The following CELF2 variants were observed in gnomAD, a reference collection of about 807,000 sequenced individuals.
CELF2 encodes CUGBP Elav-like family member 2, also known as CUG triplet repeat RNA-binding protein 2.
In CELF2, 8 loss-of-function variants were observed where a neutral mutation model predicts 62.6. That is an observed-to-expected ratio of 0.13 (90% confidence interval 0.07 to 0.23). The LOEUF (loss-of-function observed/expected upper bound fraction) is 0.23. Ranked by LOEUF, CELF2 falls within the 10% of genes least tolerant of loss-of-function variation. The pLI, the probability that CELF2 is intolerant of heterozygous loss-of-function variation, is 1.00. For missense variants in CELF2, 333 were observed against 671.0 expected (o/e 0.50, Z 5.56); for synonymous variants, 258 against 250.0 (o/e 1.03, Z -0.30).
At chr10:11,266,717 A>C in intron 6 of CELF2, 40 bp downstream of exon 6, 1 of 1,502,994 alleles carries the variant, frequency 6.7e-7, no homozygotes, top group Non-Finnish European at 9.3e-7. Flanking sequence ...TCTTTGTGCA[A>C]ATGATGGGGA....
chr10:10,766,857 C>T, the CELF2 span, among the ~76,000 whole-genome samples: 1 of 152,240 alleles, frequency 6.6e-6, no homozygotes, highest in Non-Finnish European at 1.5e-5. Context: ...TTTGTACCCA[C>T]TCACACATGT....
At chr10:10,527,667 G>A in the CELF2 span, among the ~76,000 whole-genome samples, 1 of 152,164 alleles carries the variant, frequency 6.6e-6, no homozygotes. Flanking sequence ...GAGACTCCAA[G>A]CCATCTCTAG....
At chr10:10,924,843 G>A (rs2065309973) in intron 2 of CELF2, among the ~76,000 whole-genome samples, 1 of 149,772 alleles carries the variant, frequency 6.7e-6, no homozygotes, top group South Asian at 2.1e-4. Flanking sequence ...CTGTCTGAGA[G>A]CCGCTACCAA....
the CELF2 span, among the ~76,000 whole-genome samples, chr10:10,519,675 T>G: frequency 2.0e-5 from 3 of 152,208 alleles, no homozygotes; most frequent in African/African-American, 7.2e-5. Flanking sequence ...ACCTCCCAGA[T>G]GCTGAGCTAG....
chr10:10,928,732 C>A lies in CELF2; in HGVS notation c.89+8733C>A, dbSNP rs575900666. Among the ~76,000 whole-genome samples the A allele has an allele frequency of 6.6e-6, 1 of 152,214 alleles. No individual in the cohort carries two copies. The highest frequency in any genetic ancestry group is 2.4e-5 in the African/African-American group (1 of 41,516). On this transcript the variant is annotated intron_variant, in intron 2 of 13. Transcript: ENST00000636488. This position sits in a 1 kb window ranked among gnomAD's most constrained non-coding sequence, Gnocchi z 4.8. ...TGTTCCTTCTGTTGGTTCCCAAAGACCCCAGTTTTAACCCCTATCCTAGCA... is the reference window on the plus strand; with the variant it reads ...TGTTCCTTCTGTTGGTTCCCAAAGAACCCAGTTTTAACCCCTATCCTAGCA...
At chr10:10,599,248 C>G in the CELF2 span, among the ~76,000 whole-genome samples, 4 of 152,102 alleles carry the variant, frequency 2.6e-5, no homozygotes, top group Admixed American at 2.6e-4. Flanking sequence ...TTTGGCTCCA[C>G]TTCTTATAAA....
At chr10:11,112,525 C>T (rs746253286) in intron 1 of CELF2, among the ~76,000 whole-genome samples, 17 of 152,296 alleles carry the variant, frequency 1.1e-4, no homozygotes, top group South Asian at 4.1e-4. Context: ...TGGCCAGGCT[C>T]GGAGTGGTGC....
the CELF2 span, among the ~76,000 whole-genome samples, chr10:10,724,019 G>A: frequency 6.6e-6 from 1 of 152,122 alleles, no homozygotes; most frequent in Non-Finnish European, 1.5e-5. Context: ...ATTCAATAAT[G>A]AAAAGTTGAA....
At chr10:11,083,723 G>A (rs1324254315) in intron 1 of CELF2, among the ~76,000 whole-genome samples, 1 of 152,192 alleles carries the variant, frequency 6.6e-6, no homozygotes, top group African/African-American at 2.4e-5. Context: ...CTGACAGCTT[G>A]AATTGGACTC....
intron 1 of CELF2, among the ~76,000 whole-genome samples, chr10:10,884,585 T>G (rs1365332870): frequency 6.6e-6 from 1 of 152,206 alleles, no homozygotes; most frequent in Non-Finnish European, 1.5e-5. Context: ...TTTATATGTT[T>G]CATGTGTACT....
the CELF2 span, among the ~76,000 whole-genome samples, chr10:10,500,541 A>G: frequency 6.6e-5 from 10 of 152,300 alleles, no homozygotes; most frequent in Middle Eastern, 3.4e-3. Flanking sequence ...GCCTGCCGCC[A>G]TGTAAGACAT....
chr10:11,331,183 CTG>C lies in CELF2; in HGVS notation c.*2134_*2135del, dbSNP rs1377522145. 1.3e-5 allele frequency: 2 copies of C among 151,348 alleles called. No individual in the cohort carries two copies. The highest frequency in any genetic ancestry group is 2.4e-5 in the African/African-American group (1 of 40,962). 9.4% of individuals were successfully genotyped at this position (151,348 alleles called of 1,614,324 possible). ...TGTACAGGAGAAAGGTTACTGTAAACTGTGTTATGTTGGTGCTTCTGTGAATT... is the reference window on the plus strand; with the variant it reads ...TGTACAGGAGAAAGGTTACTGTAAACTGTTATGTTGGTGCTTCTGTGAATT... On this transcript the variant is annotated 3_prime_UTR_variant, in exon 13 of 13. Coordinates refer to ENST00000633077, the MANE Select transcript of CELF2 (RefSeq NM_001326342.2).
At chr10:10,968,060 G>C (rs1409135354) in intron 2 of CELF2, among the ~76,000 whole-genome samples, 1 of 152,118 alleles carries the variant, frequency 6.6e-6, no homozygotes, top group African/African-American at 2.4e-5. Flanking sequence ...TTGGTTTTAA[G>C]AACTGGGAAG....
the CELF2 span, among the ~76,000 whole-genome samples, chr10:10,480,078 G>T: frequency 2.0e-5 from 3 of 152,086 alleles, no homozygotes; most frequent in Admixed American, 6.5e-5. Flanking sequence ...GACTTCAGCG[G>T]GTCTTCGGAA....
chr10:10,561,233 C>G, the CELF2 span, among the ~76,000 whole-genome samples: 1 of 152,166 alleles, frequency 6.6e-6, no homozygotes, highest in East Asian at 1.9e-4. Flanking sequence ...TCTCCGTCTA[C>G]CAGACCCATG....
At chr10:10,639,808 C>T in the CELF2 span, among the ~76,000 whole-genome samples, 445 of 152,178 alleles carry the variant, frequency 2.9e-3, no homozygotes, top group Middle Eastern at 0.014. Flanking sequence ...TGTCACCTTA[C>T]CAAGCAAACA....
In CELF2 at chr10:11,328,683, G is replaced by T. The variant is rs186549569; in HGVS notation, c.1439-243G>T. Among the ~76,000 whole-genome samples, 49 of 152,350 alleles carry T rather than the reference G, an allele frequency of 3.2e-4. No homozygotes were observed. The highest frequency in any genetic ancestry group is 1.1e-3 in the African/African-American group (46 of 41,584). Reference sequence around the variant, plus strand: ...ATTGAGTCTGAGGTTTCAGTGTTGTGGGGAGGGGTGTGTGCTCCATGATGC... The same window carrying T: ...ATTGAGTCTGAGGTTTCAGTGTTGTTGGGAGGGGTGTGTGCTCCATGATGC... On this transcript the variant is annotated intron_variant, in intron 12 of 12. Transcript: ENST00000633077. The surrounding 1 kb of genome is among the most constrained non-coding windows in gnomAD (Gnocchi z 6.4).
intron 5 of CELF2, among the ~76,000 whole-genome samples, chr10:11,262,550 G>A (rs2138143974): frequency 6.6e-6 from 1 of 152,284 alleles, no homozygotes; most frequent in South Asian, 2.1e-4. Context: ...TCTCAGTGAT[G>A]AGATTTTGCC....
intron 1 of CELF2, among the ~76,000 whole-genome samples, chr10:10,827,158 T>C (rs963529239): frequency 2.0e-5 from 3 of 152,168 alleles, no homozygotes; most frequent in African/African-American, 7.2e-5. Context: ...TTCTGATATT[T>C]TGACCCAGAT....
Sources: allele counts gnomAD v4.1 joint callset (sites outside exome capture counted in the v4.1 genomes callset), GRCh38; gene constraint gnomAD v4.1.1; non-coding constraint Gnocchi (gnomAD v3.1); transcripts MANE v1.5; gene names NCBI Gene and HGNC (gene_info 2026-07-23, HGNC 2026-07-21).